CBLN2: variants seen among roughly 807,000 people sequenced by gnomAD.
The protein encoded by CBLN2 is cerebellin-2.
Under a neutral mutation model 15.0 loss-of-function variants are expected in CBLN2, and 7 were observed. The ratio of observed to expected loss-of-function variants is 0.47; its 90% CI spans 0.27 to 0.88. The LOEUF is 0.88. CBLN2 is among the 40% of genes least tolerant of loss of function. The probability of loss-of-function intolerance (pLI) is 0.14; values close to 1 mark genes in which losing one functional copy is unlikely to be tolerated. For missense variants in CBLN2, 242 were observed against 304.5 expected (o/e 0.79, Z 1.53); for synonymous variants, 149 against 135.2 (o/e 1.10, Z -0.71).
At chr18:72,592,530 C>T (rs1312439544) in intron 1 of CBLN2, among the ~76,000 whole-genome samples, 1 of 151,936 alleles carries the variant, frequency 6.6e-6, no homozygotes, top group Non-Finnish European at 1.5e-5. Flanking sequence ...GTTTTGGTTG[C>T]CTGTGCTTGT....
intron 1 of CBLN2, among the ~76,000 whole-genome samples, chr18:72,590,661 A>C (rs1000597032): frequency 3.9e-4 from 59 of 152,192 alleles, no homozygotes; most frequent in African/African-American, 1.4e-3. Context: ...CTGGATATTT[A>C]TGACAATAGA....
intron 1 of CBLN2, among the ~76,000 whole-genome samples, chr18:72,550,931 C>T (rs542210392): frequency 2.6e-5 from 4 of 152,006 alleles, no homozygotes; most frequent in Admixed American, 1.3e-4. Flanking sequence ...AGGTACCTCA[C>T]GTTGTTTGCA....
At chr18:72,605,989 C>T (rs2069581039) in intron 1 of CBLN2, among the ~76,000 whole-genome samples, 2 of 152,214 alleles carry the variant, frequency 1.3e-5, no homozygotes, top group African/African-American at 4.8e-5. Flanking sequence ...AGTCTCAAAG[C>T]ATTCAATCAC....
At chr18:72,579,648 C>T (rs1042433415) in intron 1 of CBLN2, among the ~76,000 whole-genome samples, 3 of 152,036 alleles carry the variant, frequency 2.0e-5, no homozygotes, top group Admixed American at 2.0e-4. Context: ...AGGAGAATTG[C>T]TTGAACCTGG....
intron 1 of CBLN2, among the ~76,000 whole-genome samples, chr18:72,559,532 A>G (rs1251566080): frequency 6.6e-6 from 1 of 152,202 alleles, no homozygotes. Flanking sequence ...TATATTAAAT[A>G]AAATATTTTA....
intron 1 of CBLN2, among the ~76,000 whole-genome samples, chr18:72,551,829 C>T (rs1263333500): frequency 6.6e-6 from 1 of 152,112 alleles, no homozygotes; most frequent in East Asian, 1.9e-4. Flanking sequence ...AATAAATTGT[C>T]CTTACCTTCT....
intron 1 of CBLN2, among the ~76,000 whole-genome samples, chr18:72,603,717 G>A (rs2069564281): frequency 2.0e-5 from 3 of 152,086 alleles, no homozygotes; most frequent in South Asian, 4.1e-4. Context: ...GGAGCTCAAC[G>A]TCTAATCCCA....
At chr18:72,620,499 CAA>C (rs1469036053) in intron 1 of CBLN2, 1 of 152,266 alleles carries the variant, frequency 6.6e-6, no homozygotes, top group Non-Finnish European at 1.5e-5. Context: ...CCTCTGAAGT[CAA>C]GTTTCTTCTT....
chr18:72,538,668 G>A lies in CBLN2; in HGVS notation c.462C>T (p.Asn154=). ...SFSFHVVKVY[N]RQTIQVSLMQ... ...ATCTACCCACCTGGATGGTTTGTCT[G>A]TTATACACTTTGACCACGTGGAAGC... Residue 154 remains asparagine, a synonymous_variant, in exon 4 of 5, where the codon AAC becomes AAT. Coordinates refer to ENST00000269503, the MANE Select transcript of CBLN2 (RefSeq NM_182511.4). The A allele has an allele frequency of 1.2e-6, 2 of 1,613,840 alleles. No homozygotes were observed. The highest frequency in any genetic ancestry group is 1.7e-6 in the Non-Finnish European group (2 of 1,179,980).
intron 1 of CBLN2, among the ~76,000 whole-genome samples, chr18:72,550,679 C>G (rs956538052): frequency 3.3e-5 from 5 of 151,400 alleles, no homozygotes; most frequent in African/African-American, 1.2e-4. Flanking sequence ...ACACACATTG[C>G]CTTATTTGAA....
chr18:72,637,365 A>G (rs985748128), intron 1 of CBLN2, among the ~76,000 whole-genome samples: 2 of 152,140 alleles, frequency 1.3e-5, no homozygotes, highest in African/African-American at 4.8e-5. Context: ...AATTGCAAAG[A>G]ATCAGATTGT....
intron 1 of CBLN2, among the ~76,000 whole-genome samples, chr18:72,589,057 G>A (rs1392190668): frequency 6.6e-6 from 1 of 152,104 alleles, no homozygotes. Flanking sequence ...ATTTTGCATA[G>A]ATCACCTCTT....
chr18:72,548,969 T>C, upstream of CBLN2, among the ~76,000 whole-genome samples: 1 of 152,170 alleles, frequency 6.6e-6, no homozygotes, highest in African/African-American at 2.4e-5. Context: ...ATTTTACATG[T>C]CTGCATTTCT....
Position 72,610,585 on chromosome 18 carries a change from C to T in CBLN2, c.15+27740G>A, listed in dbSNP as rs560841295. On this transcript the variant is annotated intron_variant, in intron 1 of 2. Transcript: ENST00000581073. ...CCTGTCTACTGCTGTAATCCCAGCACCTAGAATAATATTGACTCATAAATG... is the reference window on the plus strand; with the variant it reads ...CCTGTCTACTGCTGTAATCCCAGCATCTAGAATAATATTGACTCATAAATG... 4.4e-4 allele frequency among the ~76,000 whole-genome samples: 67 copies of T among 152,166 alleles called. No homozygotes were observed. The South Asian group carries it at 8.9e-3, about 20-fold the overall frequency.
intron 1 of CBLN2, among the ~76,000 whole-genome samples, chr18:72,601,534 G>A (rs1019336238): frequency 3.3e-5 from 5 of 152,238 alleles, no homozygotes; most frequent in Middle Eastern, 3.4e-3. Flanking sequence ...GAGTGGAGGC[G>A]CCTGTTAGCC....
rs900501572 is a variant in CBLN2, at chr18:72,537,837, G to A, written c.*339C>T. The A allele has an allele frequency of 6.1e-6, 2 of 328,194 alleles. No homozygotes were observed. Among genetic ancestry groups the A allele is most frequent in the Non-Finnish European group, 1.2e-5 (2 of 173,068 alleles). 20.3% of individuals were successfully genotyped at this position (328,194 alleles called of 1,614,324 possible). ...TCAGGAGCTCTCCTTCCGTTGGGAC[G>A]ACAATACAACATACAAACAAAAGAG... On this transcript the variant is annotated 3_prime_UTR_variant, in exon 5 of 5. Coordinates refer to ENST00000269503, the MANE Select transcript of CBLN2 (RefSeq NM_182511.4).
chr18:72,568,195 C>T (rs563788924), intron 1 of CBLN2, among the ~76,000 whole-genome samples: 9 of 152,166 alleles, frequency 5.9e-5, no homozygotes, highest in Admixed American at 3.3e-4. Flanking sequence ...CACTGTCATC[C>T]ATGCACTGGC....
upstream of CBLN2, among the ~76,000 whole-genome samples, chr18:72,549,048 G>T (rs1484672015): frequency 6.6e-6 from 1 of 151,486 alleles, no homozygotes; most frequent in Non-Finnish European, 1.5e-5. Flanking sequence ...GTCTTGCTCT[G>T]TCACCCAGAC....
At chr18:72,595,275 T>C (rs1270777534) in intron 1 of CBLN2, among the ~76,000 whole-genome samples, 1 of 152,236 alleles carries the variant, frequency 6.6e-6, no homozygotes, top group South Asian at 2.1e-4. Flanking sequence ...TGTCTTAATT[T>C]TTTTATTGAC....
Sources: gnomAD v4.1 joint callset for allele counts (sites outside exome capture counted in the v4.1 genomes callset) on GRCh38, gnomAD v4.1.1 for gene constraint, MANE v1.5 for transcripts, NCBI Gene and HGNC (gene_info 2026-07-23, HGNC 2026-07-21) for gene names.